Variants in DDX52 observed in about 807,000 individuals in gnomAD.
The protein encoded by DDX52 is DExD-box helicase 52.
Under a neutral mutation model 76.1 loss-of-function variants are expected in DDX52, and 59 were observed. The observed-to-expected ratio is 0.78, with a 90% confidence interval of 0.63 to 0.96. DDX52 has a LOEUF of 0.96. Among genes scored for constraint, DDX52 ranks in the 40% least tolerant of loss-of-function variants. DDX52 has a pLI of 0.00. For missense variants in DDX52, 707 were observed against 703.9 expected (o/e 1.00, Z -0.05); for synonymous variants, 231 against 244.1 (o/e 0.95, Z 0.50).
Position 37,629,170 on chromosome 17 carries a change from G to A in DDX52, c.748-498C>T, listed in dbSNP as rs558582674. 9.3e-5 allele frequency among the ~76,000 whole-genome samples: 14 copies of A among 151,210 alleles called. No individual in the cohort carries two copies. In the East Asian group the frequency reaches 2.7e-3, roughly 29 times the overall value. ...TGGGAGGCAGAGGTTGCAGTGAGCCGAGATGGCGCCGCTGCACTCCAGCCT... is the reference window on the plus strand; with the variant it reads ...TGGGAGGCAGAGGTTGCAGTGAGCCAAGATGGCGCCGCTGCACTCCAGCCT... On this transcript the variant is annotated intron_variant, in intron 5 of 14. Coordinates refer to ENST00000617633, the MANE Select transcript of DDX52 (RefSeq NM_007010.5).
At position 37,626,804 on chromosome 17, in the gene DDX52, CG is replaced by C; in HGVS notation, c.915del (p.Gly306GlufsTer4). 1 of 1,611,222 alleles carries C rather than the reference CG, an allele frequency of 6.2e-7. No individual in the cohort carries two copies. Among genetic ancestry groups the C allele is most frequent in the African/African-American group, 1.3e-5 (1 of 74,756 alleles). On this transcript the variant is annotated frameshift_variant, in exon 7 of 15. Transcript: ENST00000617633. LOFTEE classifies it high-confidence loss of function. ...CATCTATACCTTGCTAGGTCGATTC[CG>C]GGGGGATCTTGCTTTAATAAATAGA... ...RLIYLLKQDP[P>X]GIDLASVEWL... is the part of the protein sequence containing the mutation.
At chr17:37,618,655 T>C (rs2029920233) in intron 13 of DDX52, among the ~76,000 whole-genome samples, 1 of 152,062 alleles carries the variant, frequency 6.6e-6, no homozygotes, top group African/African-American at 2.4e-5. Flanking sequence ...CTAAATTTTT[T>C]TTTGTATTTT....
chr17:37,616,031 T>G (rs531344142), intron 14 of DDX52, among the ~76,000 whole-genome samples: 138 of 152,280 alleles, frequency 9.1e-4, no homozygotes, highest in African/African-American at 3.2e-3. Context: ...AATCAGCATT[T>G]AAAGTATAAT....
rs1213110944 is a variant in DDX52, at chr17:37,633,376, G to C, written c.329C>G (p.Ser110Ter). The stretch of plus-strand genomic sequence containing the variant: ...GTCTTCAATCTTTGCTTCTACAGAT[G>C]ACATCCACTGTATAGTAGCACCTTC... ...QEEGATIQWMSSVEAKIEDKK... is the reference protein window; with the variant it reads ...QEEGATIQWM Residue 110 changes from serine to a stop codon, truncating the protein, a stop_gained, in exon 3 of 15, where the codon TCA (serine) becomes TGA (stop). Transcript: ENST00000617633. LOFTEE classifies it high-confidence loss of function. 5.0e-6 allele frequency: 8 copies of C among 1,610,144 alleles called. No individual in the cohort carries two copies. Among genetic ancestry groups the C allele is most frequent in the Non-Finnish European group, 6.8e-6 (8 of 1,178,306 alleles).
intron 1 of DDX52, chr17:37,642,811 T>G (rs1476884693): frequency 3.0e-5 from 5 of 164,476 alleles, no homozygotes; most frequent in Non-Finnish European, 5.2e-5. Flanking sequence ...GGGCCCCAAT[T>G]GACCTCCCCC....
chr17:37,635,301 C>T (rs1271186702), intron 2 of DDX52, among the ~76,000 whole-genome samples: 3 of 152,144 alleles, frequency 2.0e-5, no homozygotes, highest in African/African-American at 7.2e-5. Flanking sequence ...TATCTACACA[C>T]CCAAAAAACT....
intron 9 of DDX52, among the ~76,000 whole-genome samples, chr17:37,623,061 A>G (rs903636312): frequency 1.3e-5 from 2 of 152,164 alleles, no homozygotes; most frequent in African/African-American, 4.8e-5. Context: ...AAAGCAAACC[A>G]TTCTATAGTC....
At chr17:37,619,706 A>G in intron 13 of DDX52, 62 bp downstream of exon 13, 1 of 1,505,674 alleles carries the variant, frequency 6.6e-7, no homozygotes, top group Non-Finnish European at 9.0e-7. Flanking sequence ...AGCAAGAAAA[A>G]AAAAAAAAAG....
At chr17:37,633,940 C>CTTTTTTTTT (rs557054736) in intron 2 of DDX52, among the ~76,000 whole-genome samples, 1 of 130,014 alleles carries the variant, frequency 7.7e-6, no homozygotes, top group Admixed American at 7.9e-5. Flanking sequence ...AATTTCTTTC[C>CTTTTTTTTT]TTTTTTTTTT....
At chr17:37,630,228 G>C (rs151242808) in intron 4 of DDX52, 55 bp from the exon 5 acceptor site, 16,127 of 1,471,914 alleles carry the variant, frequency 0.011, 125 homozygotes, top group Middle Eastern at 0.029. Context: ...ATTTTTCAGA[G>C]CCTGGTCAAA....
At position 37,643,342 on chromosome 17, in the gene DDX52, G is replaced by A. The variant is rs757685023; in HGVS notation, c.79C>T (p.Arg27Ter). 2.5e-6 allele frequency: 4 copies of A among 1,613,686 alleles called. No individual in the cohort carries two copies. Among genetic ancestry groups the A allele is most frequent in the Middle Eastern group, 1.6e-4 (1 of 6,080 alleles). ...TCCCTTGGGCACAGTACCTGGAATC[G>A]AGCTGCGTCTGCCGAGAAGCGTCTC... The part of the protein sequence containing the change: ...DTRRFSADAA[R>*]FQIGKRKYDF... Residue 27 changes from arginine (R) to a stop codon, truncating the protein, a stop_gained, in exon 1 of 15, where the codon CGA becomes TGA. Coordinates refer to ENST00000617633, the MANE Select transcript of DDX52 (RefSeq NM_007010.5). LOFTEE classifies it high-confidence loss of function.
intron 1 of DDX52, 177 bp downstream of exon 1, chr17:37,643,157 G>A (rs1041912070): frequency 2.3e-5 from 14 of 604,934 alleles, no homozygotes; most frequent in South Asian, 4.1e-5. Flanking sequence ...TTATTCAAAA[G>A]GCTTGAACCG....
intron 14 of DDX52, among the ~76,000 whole-genome samples, chr17:37,615,506 C>CTAAATCTCTACTAA (rs1287248469): frequency 1.3e-5 from 2 of 151,996 alleles, no homozygotes; most frequent in African/African-American, 4.8e-5. Context: ...GGCAAAACCC[C>CTAAATCTCTACTAA]ATCTCTACTA....
intron 2 of DDX52, among the ~76,000 whole-genome samples, chr17:37,640,715 C>T (rs2031153014): frequency 1.4e-5 from 2 of 147,792 alleles, no homozygotes; most frequent in South Asian, 2.1e-4. Context: ...AGGCCAGGCG[C>T]GGTGGCTCAC....
At chr17:37,616,723 A>C (rs1042759050) in intron 14 of DDX52, among the ~76,000 whole-genome samples, 1 of 151,944 alleles carries the variant, frequency 6.6e-6, no homozygotes, top group African/African-American at 2.4e-5. Flanking sequence ...GTACAAATGG[A>C]ATTTGTACTT....
chr17:37,625,621 G>A (rs900756152), intron 8 of DDX52, among the ~76,000 whole-genome samples: 1 of 152,000 alleles, frequency 6.6e-6, no homozygotes, highest in African/African-American at 2.4e-5. Flanking sequence ...AATCTTCTAG[G>A]TGGCCACAGA....
At chr17:37,623,900 G>C (rs985307433) in intron 9 of DDX52, among the ~76,000 whole-genome samples, 9 of 152,156 alleles carry the variant, frequency 5.9e-5, no homozygotes, top group Non-Finnish European at 1.0e-4. Flanking sequence ...TTTAACTATG[G>C]TTTCTACTCA....
At chr17:37,628,929 T>C (rs958805524) in intron 5 of DDX52, among the ~76,000 whole-genome samples, 1 of 152,174 alleles carries the variant, frequency 6.6e-6, no homozygotes, top group Non-Finnish European at 1.5e-5. Flanking sequence ...CAGAATACAG[T>C]ACTACTGGCC....
chr17:37,620,849 A>G (rs1431873121), intron 12 of DDX52, 24 bp downstream of exon 12: 27 of 1,574,650 alleles, frequency 1.7e-5, no homozygotes, highest in Non-Finnish European at 1.8e-5. Flanking sequence ...TGCCAATAAC[A>G]CTAGGTTATT....
Sources: gnomAD v4.1 joint callset for allele counts (sites outside exome capture counted in the v4.1 genomes callset) on GRCh38, gnomAD v4.1.1 for gene constraint, MANE v1.5 for transcripts, NCBI Gene and HGNC (gene_info 2026-07-23, HGNC 2026-07-21) for gene names.